Variants in KIAA1671 observed in about 807,000 individuals in gnomAD.
KIAA1671 encodes KIAA1671.
In KIAA1671, 52 loss-of-function variants were observed where a neutral mutation model predicts 131.2. The ratio of observed to expected loss-of-function variants is 0.40; its 90% CI spans 0.32 to 0.50. The LOEUF (loss-of-function observed/expected upper bound fraction) is 0.50, where lower values mean the gene tolerates loss of function less well. KIAA1671 is among the 20% of genes least tolerant of loss of function. The pLI, the probability that KIAA1671 is intolerant of heterozygous loss-of-function variation, is 0.73. For missense variants in KIAA1671, 2,360 were observed against 2,364.2 expected (o/e 1.00, Z 0.04); for synonymous variants, 1,003 against 961.6 (o/e 1.04, Z -0.80).
Position 25,129,659 on chromosome 22 carries a change from CTTTTT to C in KIAA1671, c.4531-41149_4531-41145del, listed in dbSNP as rs72236192. 1.4e-3 allele frequency among the ~76,000 whole-genome samples: 185 copies of C among 133,408 alleles called. 2 individuals carry two copies. Among genetic ancestry groups the C allele is most frequent in the African/African-American group, 5.0e-3 (174 of 34,860 alleles). 87.5% of individuals were successfully genotyped at this position (133,408 alleles called of 152,430 possible). On this transcript the variant is annotated intron_variant, in intron 6 of 12. Coordinates refer to ENST00000358431, the MANE Select transcript of KIAA1671 (RefSeq NM_001145206.2). ...TCCTCCTCCTTTCTTTTCTCTTTTC[CTTTTT>C]TTTTTTTTTTTGAGACAGGGTCTTG...
At chr22:25,054,033 C>CAAAAAAAA (rs56317002) in intron 6 of KIAA1671, 22 of 118,400 alleles carry the variant, frequency 1.9e-4, no homozygotes, top group Non-Finnish European at 3.3e-4. Flanking sequence ...TACTAAAATA[C>CAAAAAAAA]AAAAAAAAAA....
At chr22:25,081,690 A>G (rs1195019082) in intron 6 of KIAA1671, among the ~76,000 whole-genome samples, 1 of 151,966 alleles carries the variant, frequency 6.6e-6, no homozygotes, top group Non-Finnish European at 1.5e-5. Flanking sequence ...CTCAACAGCC[A>G]GTGAGGCAGG....
intron 1 of KIAA1671, among the ~76,000 whole-genome samples, chr22:24,966,911 G>T (rs1029663835): frequency 6.6e-6 from 1 of 152,186 alleles, no homozygotes; most frequent in Non-Finnish European, 1.5e-5. Context: ...AGCTGTGATT[G>T]TGCCACTGCA....
chr22:24,961,039 T>C (rs1234726986), intron 1 of KIAA1671, among the ~76,000 whole-genome samples: 1 of 152,134 alleles, frequency 6.6e-6, no homozygotes, highest in African/African-American at 2.4e-5. Flanking sequence ...GACAGGGTCT[T>C]GCTCTTTCAT....
intron 6 of KIAA1671, among the ~76,000 whole-genome samples, chr22:25,091,441 G>T (rs866986770): frequency 1.3e-5 from 2 of 152,176 alleles, no homozygotes; most frequent in African/African-American, 4.8e-5. Context: ...CTACCTCTCA[G>T]AATTGAACTC....
chr22:25,058,618 C>T (rs947162227), intron 6 of KIAA1671: 9 of 152,040 alleles, frequency 5.9e-5, no homozygotes, highest in South Asian at 4.2e-4. Context: ...TATATAAAAA[C>T]GAGTTAGCCT....
chr22:25,113,260 G>A (rs889061095), intron 6 of KIAA1671, among the ~76,000 whole-genome samples: 10 of 152,082 alleles, frequency 6.6e-5, no homozygotes, highest in African/African-American at 1.9e-4. Context: ...CCCCATTCAC[G>A]GCTCTTTGCA....
rs1933948671 is a variant in KIAA1671, at chr22:25,174,314, T to C, written c.4724T>C (p.Leu1575Pro). The change falls in exon 8 of 13, where the codon CTG becomes CCG. Residue 1575 changes from leucine to proline, a missense_variant. Around this residue, in one of 3 missense-constraint regions of KIAA1671, gnomAD observed 1,161 missense variants for 1,204.7 expected, o/e 0.96. Transcript: ENST00000358431. ...CCCCCCAGCAGCCGTTTGTCTTCTC[T>C]GTCCTCCCAAACGGAGCCCACCTCG... is the stretch of plus-strand genomic sequence containing the variant. The part of the protein sequence containing the change: ...KQPPSSRLSS[L>P]SSQTEPTSAG... The C allele has an allele frequency of 6.4e-7, 1 of 1,551,828 alleles. No individual in the cohort carries two copies. Among genetic ancestry groups the C allele is most frequent in the South Asian group, 1.2e-5 (1 of 84,056 alleles).
At chr22:25,093,788 C>T (rs372144280) in intron 6 of KIAA1671, among the ~76,000 whole-genome samples, 1 of 94,612 alleles carries the variant, frequency 1.1e-5, no homozygotes. Context: ...CTCTCTCTCT[C>T]TCTCTCTCTC....
At chr22:25,043,834 G>A (rs1450340098) in intron 5 of KIAA1671, among the ~76,000 whole-genome samples, 3 of 152,074 alleles carry the variant, frequency 2.0e-5, no homozygotes, top group Admixed American at 6.5e-5. Flanking sequence ...ACTTAGCACC[G>A]CCCTGTGTGA....
At chr22:25,145,146 G>T (rs1482507326) in intron 6 of KIAA1671, among the ~76,000 whole-genome samples, 4 of 152,210 alleles carry the variant, frequency 2.6e-5, no homozygotes, top group Non-Finnish European at 5.9e-5. Context: ...TGAGGCCTGG[G>T]GCCCAGCGTG....
chr22:25,083,994 G>A (rs1366965255), intron 6 of KIAA1671, among the ~76,000 whole-genome samples: 1 of 152,244 alleles, frequency 6.6e-6, no homozygotes, highest in Non-Finnish European at 1.5e-5. Flanking sequence ...CCTCCTGGAG[G>A]GATGACCTAA....
At chr22:25,087,165 C>T (rs1235178050) in intron 6 of KIAA1671, among the ~76,000 whole-genome samples, 2 of 133,592 alleles carry the variant, frequency 1.5e-5, no homozygotes, top group Non-Finnish European at 3.2e-5. Context: ...CCCACCCCGC[C>T]GCTGCCTCCG....
intron 6 of KIAA1671, among the ~76,000 whole-genome samples, chr22:25,145,423 T>C (rs992385376): frequency 4.6e-5 from 7 of 152,234 alleles, no homozygotes; most frequent in African/African-American, 1.2e-4. Flanking sequence ...CCACACAGCA[T>C]GGCCCTGTCT....
chr22:25,035,303 T>G (rs970897594), intron 4 of KIAA1671, among the ~76,000 whole-genome samples: 2 of 152,172 alleles, frequency 1.3e-5, no homozygotes, highest in Admixed American at 6.5e-5. Flanking sequence ...TGCCTTGGCC[T>G]CCCAAAATGC....
intron 6 of KIAA1671, among the ~76,000 whole-genome samples, chr22:25,116,418 TGTATGTATGTATGTAC>T (rs1931666643): frequency 7.3e-6 from 1 of 136,490 alleles, no homozygotes; most frequent in South Asian, 2.4e-4. Context: ...TATGTATGTA[TGTATGTATGTATGTAC>T]GTATTGAGAT....
intron 6 of KIAA1671, among the ~76,000 whole-genome samples, chr22:25,122,530 C>T (rs1931992624): frequency 6.6e-6 from 1 of 152,206 alleles, no homozygotes; most frequent in Non-Finnish European, 1.5e-5. Flanking sequence ...CCCTGCTCTG[C>T]TGGGGCTGTC....
chr22:24,988,366 C>A (rs973984420), intron 1 of KIAA1671, among the ~76,000 whole-genome samples: 4 of 151,798 alleles, frequency 2.6e-5, no homozygotes, highest in Non-Finnish European at 5.9e-5. Flanking sequence ...TCTATTCTGA[C>A]CCCCGCTCAG....
chr22:25,142,669 C>G (rs1004022891), intron 6 of KIAA1671, among the ~76,000 whole-genome samples: 2 of 152,068 alleles, frequency 1.3e-5, no homozygotes, highest in African/African-American at 4.8e-5. Context: ...GTCAGGAGTT[C>G]GAGACCAGCC....
Sources: allele counts gnomAD v4.1 joint callset (sites outside exome capture counted in the v4.1 genomes callset), GRCh38; gene constraint gnomAD v4.1.1; regional missense constraint gnomAD v4.1.1; transcripts MANE v1.5; gene names NCBI Gene and HGNC (gene_info 2026-07-23, HGNC 2026-07-21).